Variants in CLEC4A observed in about 807,000 individuals in gnomAD.
The protein encoded by CLEC4A is C-type lectin domain family 4 member A, also known as C-type (calcium dependent, carbohydrate-recognition domain) lectin, superfamily member 6.
A neutral mutation model predicts 32.7 loss-of-function variants in CLEC4A; 27 were observed. The observed-to-expected ratio is 0.83, with a 90% CI of 0.61 to 1.14. The LOEUF (loss-of-function observed/expected upper bound fraction) is 1.14, where lower values mean the gene tolerates loss of function less well. Ranked by LOEUF, CLEC4A falls within the 50% of genes most tolerant of loss-of-function variation. CLEC4A has a pLI of 0.00. For synonymous variants in CLEC4A, 89 were observed against 93.7 expected (o/e 0.95, Z 0.29); for missense variants, 253 against 274.6 (o/e 0.92, Z 0.55).
At chr12:8,134,529 T>A in intron 3 of CLEC4A, 1 of 1,613,784 alleles carries the variant, frequency 6.2e-7, no homozygotes, top group Non-Finnish European at 8.5e-7. Context: ...GGAGGCCCCA[T>A]CGGAGTTGCT....
chr12:8,128,749 A>G (rs750334314), intron 2 of CLEC4A, among the ~76,000 whole-genome samples: 2 of 152,320 alleles, frequency 1.3e-5, no homozygotes, highest in African/African-American at 4.8e-5. Context: ...TGGGAGAAAC[A>G]TGAGAGCGTT....
Position 8,123,901 on chromosome 12 carries a change from C to CG in CLEC4A, c.23_24insG (p.Glu9Ter), listed in dbSNP as rs1947858547. On this transcript the variant is annotated frameshift_variant, in exon 1 of 6. Coordinates refer to ENST00000229332, the MANE Select transcript of CLEC4A (RefSeq NM_016184.4). LOFTEE classifies it high-confidence loss of function. ...ATTATGACTTCGGAAATCACTTATG[C>CG]TGAAGTGAGGTTCAAAAATGAATTC... 3.1e-6 allele frequency: 5 copies of CG among 1,612,392 alleles called. No individual in the cohort carries two copies. The highest frequency in any genetic ancestry group is 4.2e-6 in the Non-Finnish European group (5 of 1,178,442).
the CLEC4A span, among the ~76,000 whole-genome samples, chr12:8,113,996 C>T: frequency 1.3e-5 from 2 of 152,110 alleles, no homozygotes; most frequent in Admixed American, 6.5e-5. Context: ...AGGGGGCATT[C>T]GTACTTGTAA....
chr12:8,133,500 ATTT>A (rs35915549), intron 3 of CLEC4A, among the ~76,000 whole-genome samples: 3,502 of 138,192 alleles, frequency 0.025, 137 homozygotes, highest in African/African-American at 0.086. Flanking sequence ...TAAAATTTCC[ATTT>A]TTTTTTTTTT....
chr12:8,134,935 C>A, intron 3 of CLEC4A: 5 of 1,142,624 alleles, frequency 4.4e-6, no homozygotes, highest in African/African-American at 2.2e-5. Flanking sequence ...TCTAGTTTTT[C>A]ATTTGTTTCA....
At chr12:8,103,376 G>GTTTTTTTTT in the CLEC4A span, among the ~76,000 whole-genome samples, 3 of 56,504 alleles carry the variant, frequency 5.3e-5, no homozygotes, top group African/African-American at 1.7e-4. Flanking sequence ...TCTTTCTGTT[G>GTTTTTTTTT]TTTTTTTTTT....
chr12:8,123,337 G>C (rs1255997876), upstream of CLEC4A, among the ~76,000 whole-genome samples: 1 of 152,200 alleles, frequency 6.6e-6, no homozygotes, highest in African/African-American at 2.4e-5. Flanking sequence ...ATTCGTGAAG[G>C]TGGGGAGGCT....
At chr12:8,134,863 GC>G in intron 3 of CLEC4A, 1 of 1,529,340 alleles carries the variant, frequency 6.5e-7, no homozygotes, top group African/African-American at 1.4e-5. Context: ...GGGAAGGAAG[GC>G]GCCCCAAGCA....
At chr12:8,104,578 T>A in the CLEC4A span, among the ~76,000 whole-genome samples, 4 of 152,348 alleles carry the variant, frequency 2.6e-5, no homozygotes, top group South Asian at 2.1e-4. Flanking sequence ...TTTCTTTTTT[T>A]AAAAAACTTC....
the CLEC4A span, among the ~76,000 whole-genome samples, chr12:8,117,002 G>A: frequency 6.6e-6 from 1 of 152,068 alleles, no homozygotes; most frequent in Non-Finnish European, 1.5e-5. Flanking sequence ...TTTAACCATC[G>A]AGTCCAACTA....
chr12:8,135,832 C>T (rs759124354), intron 4 of CLEC4A, 96 bp downstream of exon 4: 154 of 1,293,420 alleles, frequency 1.2e-4, no homozygotes, highest in Middle Eastern at 2.0e-4. Flanking sequence ...GGGATATTTG[C>T]GCTGTGGCAG....
intron 3 of CLEC4A, chr12:8,134,473 CCTT>C (rs1161565574): frequency 2.5e-6 from 4 of 1,613,786 alleles, no homozygotes; most frequent in Admixed American, 3.3e-5. Context: ...TCCAGCTTCT[CCTT>C]CTCCAGCTTC....
At chr12:8,114,272 T>G in the CLEC4A span, among the ~76,000 whole-genome samples, 1 of 151,868 alleles carries the variant, frequency 6.6e-6, no homozygotes, top group Non-Finnish European at 1.5e-5. Context: ...TGAGATGGAG[T>G]CTTGCTCTGT....
chr12:8,115,969 TA>T, the CLEC4A span, among the ~76,000 whole-genome samples: 1 of 151,962 alleles, frequency 6.6e-6, no homozygotes, highest in African/African-American at 2.4e-5. Context: ...TTAATCTATA[TA>T]TATATTTTTT....
chr12:8,126,933 A>G (rs1243321716), intron 2 of CLEC4A, among the ~76,000 whole-genome samples: 1 of 152,214 alleles, frequency 6.6e-6, no homozygotes, highest in Non-Finnish European at 1.5e-5. Flanking sequence ...CAGGACTCAG[A>G]TCATGAAGAC....
the CLEC4A span, among the ~76,000 whole-genome samples, chr12:8,103,617 C>T: frequency 1.3e-5 from 2 of 152,080 alleles, no homozygotes; most frequent in East Asian, 1.9e-4. Context: ...GATCTCCTGA[C>T]CTCATGATCC....
chr12:8,108,116 G>C, the CLEC4A span, among the ~76,000 whole-genome samples: 1 of 152,146 alleles, frequency 6.6e-6, no homozygotes, highest in African/African-American at 2.4e-5. Flanking sequence ...AGAATTTCTT[G>C]ATTTCCACCT....
chr12:8,103,219 C>T, the CLEC4A span, among the ~76,000 whole-genome samples: 1 of 151,968 alleles, frequency 6.6e-6, no homozygotes, highest in Non-Finnish European at 1.5e-5. Flanking sequence ...CAAAGCTCTG[C>T]TCATGTTTTT....
intron 1 of CLEC4A, 58 bp from the exon 2 acceptor site, chr12:8,125,503 G>A (rs1947885536): frequency 1.1e-6 from 1 of 894,630 alleles, no homozygotes; most frequent in South Asian, 1.3e-5. Flanking sequence ...GGAGGAGGAA[G>A]AAGAGGAAGT....
Sources: allele counts gnomAD v4.1 joint callset (sites outside exome capture counted in the v4.1 genomes callset), GRCh38; gene constraint gnomAD v4.1.1; transcripts MANE v1.5; gene names NCBI Gene and HGNC (gene_info 2026-07-23, HGNC 2026-07-21).